The following INPP4B variants were observed in gnomAD, a reference collection of about 807,000 sequenced individuals.
INPP4B encodes inositol polyphosphate 4-phosphatase type II.
A neutral mutation model predicts 122.5 loss-of-function variants in INPP4B; 55 were observed. The observed-to-expected ratio is 0.45, with a 90% CI of 0.36 to 0.56. The LOEUF (loss-of-function observed/expected upper bound fraction) is 0.56, where lower values mean the gene tolerates loss of function less well. Ranked by LOEUF, INPP4B falls within the 20% of genes least tolerant of loss-of-function variation. The pLI, the probability that INPP4B is intolerant of heterozygous loss-of-function variation, is 0.00. For missense variants in INPP4B, 1,000 were observed against 1,097.7 expected, an observed-to-expected ratio of 0.91 and a Z score of 1.26; for synonymous variants, 403 against 388.7, an observed-to-expected ratio of 1.04 and a Z score of -0.43.
chr4:142,046,719 T>C (rs1751688122), intron 25 of INPP4B, among the ~76,000 whole-genome samples: 1 of 152,070 alleles, frequency 6.6e-6, no homozygotes, highest in South Asian at 2.1e-4. Context: ...CATGACTATT[T>C]TTGAACTTTA....
At chr4:142,311,876 A>G (rs1765621423) in intron 8 of INPP4B, among the ~76,000 whole-genome samples, 1 of 152,190 alleles carries the variant, frequency 6.6e-6, no homozygotes. Context: ...TACCATGGCC[A>G]GTTTGTGCAA....
At chr4:142,795,897 C>T (rs1777176204) in intron 1 of INPP4B, among the ~76,000 whole-genome samples, 1 of 151,928 alleles carries the variant, frequency 6.6e-6, no homozygotes, top group Non-Finnish European at 1.5e-5. Flanking sequence ...TTTTCTAAAA[C>T]TTCCATAGTT....
At chr4:142,768,778 G>A (rs1772558103) in intron 1 of INPP4B, among the ~76,000 whole-genome samples, 1 of 152,150 alleles carries the variant, frequency 6.6e-6, no homozygotes, top group Admixed American at 6.6e-5. Flanking sequence ...TGAATTCCAT[G>A]GCTGACTGTC....
chr4:142,817,145 T>C, intron 1 of INPP4B, among the ~76,000 whole-genome samples: 1 of 152,122 alleles, frequency 6.6e-6, no homozygotes, highest in South Asian at 2.1e-4. Context: ...ACAATGAAGA[T>C]GGGGATCAGG....
chr4:142,495,227 G>C (rs1179210445), intron 2 of INPP4B, among the ~76,000 whole-genome samples: 1 of 148,244 alleles, frequency 6.7e-6, no homozygotes, highest in Non-Finnish European at 1.5e-5. Flanking sequence ...CCTTGGGATT[G>C]ATTCCCAGAA....
chr4:142,549,601 A>G (rs1038918373), intron 2 of INPP4B, among the ~76,000 whole-genome samples: 1 of 152,130 alleles, frequency 6.6e-6, no homozygotes, highest in Non-Finnish European at 1.5e-5. Flanking sequence ...GTGATCATAT[A>G]TTGAAAATAA....
At chr4:142,129,669 T>C (rs1800318537) in intron 18 of INPP4B, among the ~76,000 whole-genome samples, 1 of 152,194 alleles carries the variant, frequency 6.6e-6, no homozygotes, top group South Asian at 2.1e-4. Flanking sequence ...GAAACTTGGC[T>C]GCTTCGAATG....
chr4:142,159,469 AT>A (rs35597934), intron 17 of INPP4B, among the ~76,000 whole-genome samples: 16,725 of 147,734 alleles, frequency 0.11, 992 homozygotes, highest in Middle Eastern at 0.15. Flanking sequence ...TTCAGATAAC[AT>A]TTTTTTTTTT....
chr4:142,062,542 A>G (rs1761525350), intron 25 of INPP4B, among the ~76,000 whole-genome samples: 1 of 152,086 alleles, frequency 6.6e-6, no homozygotes, highest in Admixed American at 6.5e-5. Flanking sequence ...TCAAGATCAT[A>G]CTGGTCAACA....
intron 18 of INPP4B, among the ~76,000 whole-genome samples, chr4:142,141,870 G>A (rs1808018069): frequency 6.6e-6 from 1 of 151,942 alleles, no homozygotes; most frequent in South Asian, 2.1e-4. Context: ...AAATAAAGGA[G>A]TGTGATGAAA....
intron 2 of INPP4B, among the ~76,000 whole-genome samples, chr4:142,717,919 A>G (rs1229984396): frequency 6.6e-6 from 1 of 151,912 alleles, no homozygotes. Flanking sequence ...AAAAAAAAAA[A>G]AAAAAAGAAT....
rs115056580 is a variant in INPP4B at position 142,274,377 on chromosome 4, A to G, written c.504-3603T>C. 4.0e-3 allele frequency among the ~76,000 whole-genome samples: 603 copies of G among 151,874 alleles called. 6 individuals are homozygous for G. Among genetic ancestry groups the G allele is most frequent in the African/African-American group, 0.014 (565 of 41,504 alleles). On this transcript the variant is annotated intron_variant, in intron 9 of 25. Transcript: ENST00000262992. ...TGGTCTCTAACAGCTGTTCCATACT[A>G]TTAGCACTCAAACCCCATGCTCTAA...
chr4:142,405,118 T>TGGG (rs368527003), intron 6 of INPP4B, 88 bp downstream of exon 6: 6,967 of 529,714 alleles, frequency 0.013, 39 homozygotes, highest in African/African-American at 0.029. Context: ...GGGGCGGGGG[T>TGGG]GGGGGGGAGG....
intron 2 of INPP4B, among the ~76,000 whole-genome samples, chr4:142,475,419 CT>C (rs1395467449): frequency 6.6e-6 from 1 of 151,838 alleles, no homozygotes; most frequent in Non-Finnish European, 1.5e-5. Flanking sequence ...ATTCTGGCAA[CT>C]CAAAAAGGCA....
At chr4:142,674,060 G>A (rs1217455854) in intron 2 of INPP4B, among the ~76,000 whole-genome samples, 1 of 152,146 alleles carries the variant, frequency 6.6e-6, no homozygotes, top group Non-Finnish European at 1.5e-5. Flanking sequence ...TCTGCATCCA[G>A]TAATTAAGCC....
intron 9 of INPP4B, among the ~76,000 whole-genome samples, chr4:142,277,706 C>CACAT (rs1409174636): frequency 6.6e-6 from 1 of 151,056 alleles, no homozygotes; most frequent in African/African-American, 2.4e-5. Flanking sequence ...CACACACACA[C>CACAT]ACCATGGAAT....
chr4:142,822,700 AG>A (rs1561109358), intron 1 of INPP4B, among the ~76,000 whole-genome samples: 1 of 152,164 alleles, frequency 6.6e-6, no homozygotes, highest in African/African-American at 2.4e-5. Context: ...ACTGTCTTAA[AG>A]GACCAGACAA....
intron 25 of INPP4B, among the ~76,000 whole-genome samples, chr4:142,058,128 C>A (rs137911869): frequency 1.1e-3 from 166 of 152,214 alleles, no homozygotes; most frequent in African/African-American, 3.9e-3. Flanking sequence ...TCTAGGGGAA[C>A]TAAGTGCTGT....
chr4:142,586,912 G>A (rs1418684047), intron 2 of INPP4B, among the ~76,000 whole-genome samples: 3 of 152,106 alleles, frequency 2.0e-5, no homozygotes, highest in African/African-American at 7.2e-5. Flanking sequence ...AAGTCAAGGA[G>A]GGCAGTGCTT....
Sources: allele counts gnomAD v4.1 joint callset (sites outside exome capture counted in the v4.1 genomes callset), GRCh38; gene constraint gnomAD v4.1.1; transcripts MANE v1.5; gene names NCBI Gene and HGNC (gene_info 2026-07-23, HGNC 2026-07-21).